ATP8A2: variants seen among roughly 807,000 people sequenced by gnomAD.
ATP8A2 encodes the protein phospholipid-transporting ATPase IB.
Under a neutral mutation model 165.6 loss-of-function variants are expected in ATP8A2, and 100 were observed. The ratio of observed to expected loss-of-function variants is 0.60; its 90% CI spans 0.51 to 0.71. The LOEUF is 0.71. Ranked by LOEUF, ATP8A2 falls within the 30% of genes least tolerant of loss-of-function variation. The probability of loss-of-function intolerance (pLI) is 0.00; values close to 1 mark genes in which losing one functional copy is unlikely to be tolerated. For synonymous variants in ATP8A2, 543 were observed against 548.8 expected, an observed-to-expected ratio of 0.99 and a Z score of 0.15; for missense variants, 1,227 against 1,479.5, an observed-to-expected ratio of 0.83 and a Z score of 2.80.
At chr13:25,809,747 G>T (rs555911834) in intron 27 of ATP8A2, among the ~76,000 whole-genome samples, 1 of 152,002 alleles carries the variant, frequency 6.6e-6, no homozygotes, top group African/African-American at 2.4e-5. Context: ...TGTCCTCACT[G>T]GTCCATAGGT....
At chr13:25,586,014 T>C (rs779796477) in intron 23 of ATP8A2, among the ~76,000 whole-genome samples, 2 of 151,998 alleles carry the variant, frequency 1.3e-5, no homozygotes, top group Non-Finnish European at 1.5e-5. Context: ...GCTTTTGTAA[T>C]AGTTACTAGC....
intron 2 of ATP8A2, among the ~76,000 whole-genome samples, chr13:25,504,466 C>T (rs1267590854): frequency 4.4e-5 from 6 of 137,482 alleles, no homozygotes; most frequent in Middle Eastern, 4.1e-3. Context: ...TGCGGCCGGG[C>T]GCGGTGGCTC....
chr13:25,531,717 G>T (rs1281997710), intron 4 of ATP8A2, among the ~76,000 whole-genome samples: 2 of 151,954 alleles, frequency 1.3e-5, no homozygotes, highest in Non-Finnish European at 2.9e-5. Flanking sequence ...TCGTGTGATG[G>T]CTGCACAAAA....
At chr13:25,396,089 G>A (rs1372819858) in intron 1 of ATP8A2, among the ~76,000 whole-genome samples, 4 of 152,222 alleles carry the variant, frequency 2.6e-5, no homozygotes, top group East Asian at 1.9e-4. Flanking sequence ...TGGTCTGCCC[G>A]CCTTGGCCTC....
intron 1 of ATP8A2, among the ~76,000 whole-genome samples, chr13:25,407,665 C>T (rs2033844658): frequency 1.3e-5 from 2 of 152,106 alleles, no homozygotes; most frequent in Admixed American, 1.3e-4. Flanking sequence ...AAATGATGAG[C>T]AGCTATTAAG....
At chr13:25,492,464 C>A (rs1024720345) in intron 2 of ATP8A2, among the ~76,000 whole-genome samples, 4 of 152,122 alleles carry the variant, frequency 2.6e-5, no homozygotes, top group Non-Finnish European at 4.4e-5. Flanking sequence ...GAGAAGGGGG[C>A]TGCTTACAAA....
At chr13:25,832,634 G>A (rs1317751586) in intron 28 of ATP8A2, among the ~76,000 whole-genome samples, 1 of 152,108 alleles carries the variant, frequency 6.6e-6, no homozygotes, top group Non-Finnish European at 1.5e-5. Flanking sequence ...AACGTTTGAA[G>A]CAATTCAGCT....
chr13:25,881,228 C>A (rs1437341859), intron 33 of ATP8A2, among the ~76,000 whole-genome samples: 2 of 151,894 alleles, frequency 1.3e-5, no homozygotes, highest in Non-Finnish European at 2.9e-5. Flanking sequence ...CAAAGCTATA[C>A]AATGTGTTAA....
intron 35 of ATP8A2, among the ~76,000 whole-genome samples, chr13:25,985,436 T>TA (rs1004231468): frequency 3.3e-5 from 5 of 152,304 alleles, no homozygotes; most frequent in African/African-American, 9.6e-5. Context: ...AAAGAACTCT[T>TA]ATGTCAGTAG....
intron 30 of ATP8A2, among the ~76,000 whole-genome samples, chr13:25,857,923 T>A (rs1455200540): frequency 6.6e-6 from 1 of 152,182 alleles, no homozygotes; most frequent in East Asian, 1.9e-4. Flanking sequence ...ATCGTGTATC[T>A]GTTTAAGGTT....
At chr13:25,960,584 G>T (rs1411812825) in intron 33 of ATP8A2, among the ~76,000 whole-genome samples, 1 of 152,122 alleles carries the variant, frequency 6.6e-6, no homozygotes, top group Non-Finnish European at 1.5e-5. Context: ...TTCTCAGGTG[G>T]CCCACCCTTG....
chr13:25,924,473 C>CCTGTGT (rs961547128), intron 33 of ATP8A2, among the ~76,000 whole-genome samples: 7 of 152,198 alleles, frequency 4.6e-5, no homozygotes, highest in African/African-American at 1.4e-4. Flanking sequence ...TGCGGGCCTT[C>CCTGTGT]CTGTGTCTGT....
At chr13:26,019,257 C>T (rs933134509) in intron 36 of ATP8A2, among the ~76,000 whole-genome samples, 20 of 151,946 alleles carry the variant, frequency 1.3e-4, no homozygotes, top group East Asian at 5.8e-4. Context: ...AATAGCTGGG[C>T]GTGGTGGTGC....
At chr13:25,904,920 C>G (rs1953886891) in intron 33 of ATP8A2, among the ~76,000 whole-genome samples, 1 of 152,152 alleles carries the variant, frequency 6.6e-6, no homozygotes, top group African/African-American at 2.4e-5. Context: ...TGTGCCAAAA[C>G]AAAAGTTATG....
chr13:25,567,107 A>T, intron 16 of ATP8A2: 1 of 308,668 alleles, frequency 3.2e-6, no homozygotes, highest in Non-Finnish European at 6.4e-6. Flanking sequence ...TGCTACTGGG[A>T]TTCTAGTGTT....
intron 27 of ATP8A2, among the ~76,000 whole-genome samples, chr13:25,793,970 G>A (rs1950442898): frequency 6.6e-6 from 1 of 152,150 alleles, no homozygotes; most frequent in South Asian, 2.1e-4. Flanking sequence ...AATGGTTTAA[G>A]CCATTTTGAA....
chr13:25,894,008 C>A (rs1157249636), intron 33 of ATP8A2, among the ~76,000 whole-genome samples: 1 of 152,194 alleles, frequency 6.6e-6, no homozygotes, highest in African/African-American at 2.4e-5. Flanking sequence ...ATGGTGGTTT[C>A]TTTTGCTGTG....
intron 33 of ATP8A2, among the ~76,000 whole-genome samples, chr13:25,899,211 AAACATGCATGC>A (rs1355603130): frequency 6.6e-6 from 1 of 152,192 alleles, no homozygotes; most frequent in Non-Finnish European, 1.5e-5. Flanking sequence ...GCGAGCGTGG[AAACATGCATGC>A]ATGGGTTTCT....
intron 24 of ATP8A2, among the ~76,000 whole-genome samples, chr13:25,672,481 T>C (rs1395183391): frequency 6.6e-6 from 1 of 152,144 alleles, no homozygotes; most frequent in African/African-American, 2.4e-5. Flanking sequence ...TATTCTTTTC[T>C]AGCACGTTTG....
Sources: allele counts gnomAD v4.1 joint callset (sites outside exome capture counted in the v4.1 genomes callset), GRCh38; gene constraint gnomAD v4.1.1; transcripts MANE v1.5; gene names NCBI Gene and HGNC (gene_info 2026-07-23, HGNC 2026-07-21).